TLN2: variants seen among roughly 807,000 people sequenced by gnomAD.
TLN2 encodes the protein talin 2.
TLN2 carries 118 observed loss-of-function variants against 294.7 expected under a neutral mutation model. The ratio of observed to expected loss-of-function variants is 0.40; its 90% CI spans 0.34 to 0.47. TLN2 has a LOEUF of 0.47. TLN2 is among the 20% of genes least tolerant of loss of function. The pLI is 0.84. For missense variants in TLN2, 3,083 were observed against 3,282.2 expected (o/e 0.94, Z 1.48); for synonymous variants, 1,431 against 1,304.5 (o/e 1.10, Z -2.09).
rs761908760 is a variant in TLN2 at position 62,719,844 on chromosome 15, G to C, written c.2955G>C (p.Gln985His). 3 of 1,612,198 alleles carry C rather than the reference G, an allele frequency of 1.9e-6. No individual in the cohort carries two copies. The highest frequency in any genetic ancestry group is 1.7e-4 in the Middle Eastern group (1 of 6,012). Residue 985 changes from glutamine (Q) to histidine (H), a missense_variant, in exon 25 of 59, where the codon CAG becomes CAC. By Grantham distance (24) the Gln-to-His change is conservative. Transcript: ENST00000636159. The stretch of plus-strand genomic sequence containing the variant: ...CTCAAGCTGAAGACCTGAGTGCCCA[G>C]CTGGCTCTCATCATCTCCAGCCAGA... ...SQAQAEDLSA[Q>H]LALIISSQNF...
chr15:62,837,156 G>A (rs2069774920), intron 57 of TLN2, among the ~76,000 whole-genome samples: 1 of 152,138 alleles, frequency 6.6e-6, no homozygotes. Flanking sequence ...AATTCTTGTT[G>A]TATTGTGAAA....
At chr15:62,679,494 A>G (rs2056599881) in intron 11 of TLN2, among the ~76,000 whole-genome samples, 1 of 152,220 alleles carries the variant, frequency 6.6e-6, no homozygotes, top group South Asian at 2.1e-4. Context: ...ATGTTACGCT[A>G]AGTGAAAGAA....
At chr15:62,697,578 G>A in intron 14 of TLN2, 110 bp from the exon 15 acceptor site, 1 of 1,236,614 alleles carries the variant, frequency 8.1e-7, no homozygotes, top group Admixed American at 2.5e-5. Flanking sequence ...GCCTCTTTTA[G>A]TTGGCCTTCA....
At chr15:62,794,848 A>G (rs1254080011) in intron 46 of TLN2, among the ~76,000 whole-genome samples, 1 of 152,158 alleles carries the variant, frequency 6.6e-6, no homozygotes, top group Non-Finnish European at 1.5e-5. Context: ...ACGGTAACAC[A>G]GTGACTCCCC....
chr15:62,713,351 G>A (rs892956877), intron 22 of TLN2, among the ~76,000 whole-genome samples: 1 of 151,514 alleles, frequency 6.6e-6, no homozygotes, highest in African/African-American at 2.4e-5. Context: ...TTGGGAATTG[G>A]TATCTCAACC....
intron 1 of TLN2, among the ~76,000 whole-genome samples, chr15:62,445,430 C>G (rs1375523143): frequency 6.6e-6 from 1 of 152,156 alleles, no homozygotes; most frequent in Non-Finnish European, 1.5e-5. Flanking sequence ...ATCATTGGAA[C>G]TCTTTAGAAA....
chr15:62,664,857 C>CAAAAAAAAAAAAAAAAAAAAAAAAA (rs10634187), intron 9 of TLN2, among the ~76,000 whole-genome samples: 2 of 29,232 alleles, frequency 6.8e-5, no homozygotes, highest in African/African-American at 2.6e-4. Flanking sequence ...GAAACTGTCT[C>CAAAAAAAAAAAAAAAAAAAAAAAAA]AAAAAAAAAA....
At chr15:62,539,973 A>G (rs2041580720) in intron 1 of TLN2, among the ~76,000 whole-genome samples, 1 of 152,072 alleles carries the variant, frequency 6.6e-6, no homozygotes, top group Non-Finnish European at 1.5e-5. Context: ...TTGCAGATGC[A>G]TGTAAATACT....
At chr15:62,531,247 A>G (rs1315728615) in intron 1 of TLN2, among the ~76,000 whole-genome samples, 1 of 152,244 alleles carries the variant, frequency 6.6e-6, no homozygotes, top group Non-Finnish European at 1.5e-5. Flanking sequence ...TCAGCCTTAA[A>G]AAAGAAATTT....
At chr15:62,696,456 C>T (rs1349319513) in intron 14 of TLN2, among the ~76,000 whole-genome samples, 1 of 152,212 alleles carries the variant, frequency 6.6e-6, no homozygotes, top group Non-Finnish European at 1.5e-5. Flanking sequence ...CCTGTATTCC[C>T]AGCACTTTGG....
intron 1 of TLN2, among the ~76,000 whole-genome samples, chr15:62,524,610 C>T (rs1343555082): frequency 6.6e-6 from 1 of 152,154 alleles, no homozygotes; most frequent in African/African-American, 2.4e-5. Context: ...ATGAAACCAC[C>T]ATGAACTTTA....
intron 43 of TLN2, 100 bp downstream of exon 43, chr15:62,777,010 T>C: frequency 8.6e-7 from 1 of 1,163,372 alleles, no homozygotes; most frequent in Non-Finnish European, 1.1e-6. Flanking sequence ...AACAAGCCTC[T>C]TCTTTTCTTG....
At chr15:62,797,868 C>A (rs1275342286) in intron 48 of TLN2, among the ~76,000 whole-genome samples, 2 of 152,144 alleles carry the variant, frequency 1.3e-5, no homozygotes, top group Admixed American at 6.5e-5. Context: ...GCGACTGTTG[C>A]CATAGAGGTA....
chr15:62,699,744 C>T (rs2058596475), intron 16 of TLN2, among the ~76,000 whole-genome samples: 1 of 152,250 alleles, frequency 6.6e-6, no homozygotes, highest in Non-Finnish European at 1.5e-5. Context: ...GAAGCACCGG[C>T]TAGCGCTGTC....
intron 32 of TLN2, among the ~76,000 whole-genome samples, chr15:62,747,007 A>G (rs1187383479): frequency 6.6e-6 from 1 of 152,204 alleles, no homozygotes; most frequent in East Asian, 1.9e-4. Flanking sequence ...GATCAGTGCA[A>G]CACATATCAA....
intron 51 of TLN2, 39 bp downstream of exon 51, chr15:62,805,824 C>T (rs758212030): frequency 6.3e-7 from 1 of 1,589,790 alleles, no homozygotes; most frequent in Non-Finnish European, 8.6e-7. Flanking sequence ...ACAGATGATT[C>T]TCTGTCGTGA....
chr15:62,549,221 T>A (rs1274851930), intron 1 of TLN2, among the ~76,000 whole-genome samples: 4 of 152,172 alleles, frequency 2.6e-5, no homozygotes, highest in African/African-American at 9.7e-5. Context: ...TACTTAAGAT[T>A]CTTCTGTTCG....
intron 1 of TLN2, chr15:62,561,384 C>T (rs2042944372): frequency 6.6e-6 from 1 of 152,252 alleles, no homozygotes; most frequent in Non-Finnish European, 1.5e-5. Flanking sequence ...CTCAAGCTCC[C>T]TCCTTAACAG....
intron 1 of TLN2, among the ~76,000 whole-genome samples, chr15:62,463,822 G>A (rs2036954006): frequency 6.6e-6 from 1 of 152,216 alleles, no homozygotes; most frequent in Admixed American, 6.5e-5. Flanking sequence ...GGGAGGCAGA[G>A]CATGCAGTGA....
Sources: gnomAD v4.1 joint callset for allele counts (sites outside exome capture counted in the v4.1 genomes callset) on GRCh38, gnomAD v4.1.1 for gene constraint, MANE v1.5 for transcripts, NCBI Gene and HGNC (gene_info 2026-07-23, HGNC 2026-07-21) for gene names.